Variants in AFG2A observed in about 807,000 individuals in gnomAD.
AFG2A encodes AAA ATPase AFG2A.
At chr4:123,311,947 C>T in the AFG2A span, among the ~76,000 whole-genome samples, 1 of 152,182 alleles carries the variant, frequency 6.6e-6, no homozygotes, top group South Asian at 2.1e-4. Flanking sequence ...GCCCATCTCG[C>T]CATGTGAATC....
At chr4:122,979,661 G>A in the AFG2A span, among the ~76,000 whole-genome samples, 1 of 152,142 alleles carries the variant, frequency 6.6e-6, no homozygotes, top group East Asian at 1.9e-4. Context: ...CCAGCACTTT[G>A]GGAGGCTGAG....
the AFG2A span, among the ~76,000 whole-genome samples, chr4:123,262,570 C>T: frequency 6.6e-6 from 1 of 152,190 alleles, no homozygotes; most frequent in East Asian, 1.9e-4. Flanking sequence ...TTTGTCAATT[C>T]CTGTGAATAG....
the AFG2A span, among the ~76,000 whole-genome samples, chr4:123,012,523 C>T: frequency 6.6e-6 from 1 of 152,122 alleles, no homozygotes; most frequent in Non-Finnish European, 1.5e-5. Flanking sequence ...CCAAGGCAGG[C>T]GTCCCTGCGG....
At chr4:123,060,149 C>A in the AFG2A span, among the ~76,000 whole-genome samples, 1 of 152,218 alleles carries the variant, frequency 6.6e-6, no homozygotes, top group South Asian at 2.1e-4. Flanking sequence ...CAGGGTACAG[C>A]CTCCCTCTGG....
At chr4:123,180,866 A>G in the AFG2A span, among the ~76,000 whole-genome samples, 6 of 152,040 alleles carry the variant, frequency 3.9e-5, no homozygotes, top group East Asian at 1.9e-4. Flanking sequence ...AGGGTCAGCA[A>G]ACTTTCTCTG....
chr4:122,991,913 T>G, the AFG2A span, among the ~76,000 whole-genome samples: 4 of 150,620 alleles, frequency 2.7e-5, no homozygotes, highest in African/African-American at 7.4e-5. Context: ...TTATTATGAG[T>G]TTTTTTTTAT....
At chr4:123,206,050 G>C in the AFG2A span, among the ~76,000 whole-genome samples, 1 of 152,126 alleles carries the variant, frequency 6.6e-6, no homozygotes, top group Admixed American at 6.5e-5. Context: ...ATTTGGGGAT[G>C]TAAAATGCTT....
At chr4:123,018,539 G>A in the AFG2A span, among the ~76,000 whole-genome samples, 1 of 152,194 alleles carries the variant, frequency 6.6e-6, no homozygotes. Flanking sequence ...TCCTCTTCTA[G>A]TTCTAGGATT....
the AFG2A span, among the ~76,000 whole-genome samples, chr4:123,142,565 T>A: frequency 6.6e-6 from 1 of 152,184 alleles, no homozygotes; most frequent in African/African-American, 2.4e-5. Context: ...CATTGTTGAT[T>A]TCATGTCCCT....
At chr4:123,080,220 A>G in the AFG2A span, among the ~76,000 whole-genome samples, 1 of 152,226 alleles carries the variant, frequency 6.6e-6, no homozygotes, top group Non-Finnish European at 1.5e-5. Context: ...TAGTTCCCAC[A>G]TGATGGGATT....
chr4:123,213,129 C>A, the AFG2A span, among the ~76,000 whole-genome samples: 1 of 152,054 alleles, frequency 6.6e-6, no homozygotes, highest in East Asian at 1.9e-4. Context: ...GTTTTATTTT[C>A]AAAAAGCTGA....
the AFG2A span, chr4:122,935,961 T>C: frequency 4.6e-5 from 60 of 1,318,152 alleles, no homozygotes; most frequent in South Asian, 9.1e-4. Context: ...ATTTTGCTTC[T>C]TAATAAAAAT....
chr4:123,064,291 A>G, the AFG2A span, among the ~76,000 whole-genome samples: 1 of 152,308 alleles, frequency 6.6e-6, no homozygotes, highest in Non-Finnish European at 1.5e-5. Flanking sequence ...AATGGATAAT[A>G]TGATAGGGAG....
the AFG2A span, among the ~76,000 whole-genome samples, chr4:123,169,194 T>C: frequency 9.8e-3 from 1,500 of 152,308 alleles, 35 homozygotes; most frequent in African/African-American, 0.033. Context: ...TAAAAGGTAA[T>C]AGTTTTCCAT....
chr4:123,054,608 C>T, the AFG2A span, among the ~76,000 whole-genome samples: 1 of 152,008 alleles, frequency 6.6e-6, no homozygotes, highest in African/African-American at 2.4e-5. Context: ...GTCCCAGCTA[C>T]TTGGAAGGCT....
chr4:122,930,632 T>C, the AFG2A span, among the ~76,000 whole-genome samples: 1 of 152,212 alleles, frequency 6.6e-6, no homozygotes, highest in Non-Finnish European at 1.5e-5. Context: ...CACACACAGT[T>C]ACCCTTTTCT....
At chr4:123,071,216 C>T in the AFG2A span, among the ~76,000 whole-genome samples, 1 of 152,232 alleles carries the variant, frequency 6.6e-6, no homozygotes, top group South Asian at 2.1e-4. Flanking sequence ...TGTGGTGGCT[C>T]ACGCCTGTAA....
chr4:123,314,204 C>T, the AFG2A span: 1 of 604,588 alleles, frequency 1.7e-6, no homozygotes, highest in Non-Finnish European at 2.6e-6. Flanking sequence ...GGCTTTGGTT[C>T]TTACAGATTT....
chr4:123,151,830 T>C, the AFG2A span, among the ~76,000 whole-genome samples: 2 of 152,210 alleles, frequency 1.3e-5, no homozygotes, highest in Non-Finnish European at 2.9e-5. Context: ...TGCACACGTA[T>C]GTTTATTGCA....
Sources: gnomAD v4.1 joint callset for allele counts (sites outside exome capture counted in the v4.1 genomes callset) on GRCh38, gnomAD v4.1.1 for gene constraint, MANE v1.5 for transcripts, NCBI Gene and HGNC (gene_info 2026-07-23, HGNC 2026-07-21) for gene names.